The following MYO1F variants were observed in gnomAD, a reference collection of about 807,000 sequenced individuals.
MYO1F encodes the protein myosin IF.
MYO1F carries 60 observed loss-of-function variants against 146.6 expected under a neutral mutation model. The observed-to-expected ratio is 0.41, with a 90% confidence interval of 0.33 to 0.51. The LOEUF (loss-of-function observed/expected upper bound fraction) is 0.51. MYO1F is among the 20% of genes least tolerant of loss of function. The probability of loss-of-function intolerance (pLI) is 0.25; values close to 1 mark genes in which losing one functional copy is unlikely to be tolerated. For missense variants in MYO1F, 1,274 were observed against 1,534.3 expected (o/e 0.83, Z 2.83); for synonymous variants, 602 against 602.1 (o/e 1.00, Z 0.00).
chr19:8,544,563 G>A lies in MYO1F; in HGVS notation c.1357-99C>T. 6.3e-6 allele frequency: 8 copies of A among 1,262,550 alleles called. 1 individual carries two copies. The highest frequency in any genetic ancestry group is 8.8e-6 in the Non-Finnish European group (8 of 906,866). 78.2% of individuals were successfully genotyped at this position (1,262,550 alleles called of 1,614,324 possible). A position where few individuals can be genotyped will look rare whatever the true frequency, so the allele number is the denominator to read the frequency against. On this transcript the variant is annotated intron_variant, in intron 13 of 27. Transcript: ENST00000644032. Reference sequence around the variant, plus strand: ...ATTAGGGGAGGGAGGGGGTGGAGGAGTGGAGGGAGCTAGAGCTTTGGGGGT... The same window carrying A: ...ATTAGGGGAGGGAGGGGGTGGAGGAATGGAGGGAGCTAGAGCTTTGGGGGT...
intron 14 of MYO1F, among the ~76,000 whole-genome samples, chr19:8,543,744 C>G (rs59048744): frequency 0.011 from 103 of 9,700 alleles, 1 homozygote; most frequent in East Asian, 0.037. Flanking sequence ...GCTGGTGGTG[C>G]TGGTGGTGGT....
chr19:8,535,217 G>T (rs905098319), intron 19 of MYO1F, among the ~76,000 whole-genome samples: 1 of 152,070 alleles, frequency 6.6e-6, no homozygotes, highest in African/African-American at 2.4e-5. Flanking sequence ...TGGCCAGCAA[G>T]ATTATTTTCA....
In MYO1F at chr19:8,522,668, C is replaced by G; in HGVS notation, c.3016G>C (p.Glu1006Gln). 1.2e-6 allele frequency: 2 copies of G among 1,613,788 alleles called. No homozygotes were observed. Among genetic ancestry groups the G allele is most frequent in the Non-Finnish European group, 8.5e-7 (1 of 1,179,954 alleles). ...CCCTGGTCAGGCACGTTGAGGAATT[C>G]TGTGTTGTGCTCTGAGGGCGGACGT... ...RARPPSEHNT[E>Q]FLNVPDQGMA... The change falls in exon 26 of 28, where the codon GAA (glutamate) becomes CAA (glutamine). Residue 1006 changes from glutamate to glutamine, a missense_variant. Transcript: ENST00000644032.
Position 8,530,533 on chromosome 19 carries a change from C to A in MYO1F, c.2084G>T (p.Gly695Val). The A allele has an allele frequency of 6.2e-7, 1 of 1,613,386 alleles. No individual in the cohort carries two copies. The highest frequency in any genetic ancestry group is 8.5e-7 in the Non-Finnish European group (1 of 1,180,022). Residue 695 changes from glycine (G) to valine (V), a missense_variant, in exon 20 of 28, where the codon GGC (glycine) becomes GTC (valine). Transcript: ENST00000644032. This position sits in a 1 kb window ranked among gnomAD's most constrained non-coding sequence, Gnocchi z 5.8. The stretch of plus-strand genomic sequence containing the variant: ...GGCCTTCTGGATGGTTCGGGCAAAG[C>A]CATCGAACTTTCGCTCTCGCACCTC... ...LEEVRERKFD[G>V]FARTIQKAWR...
intron 1 of MYO1F, among the ~76,000 whole-genome samples, chr19:8,571,193 G>C: frequency 6.6e-6 from 1 of 152,156 alleles, no homozygotes; most frequent in East Asian, 1.9e-4. Flanking sequence ...TGTGGTTGCC[G>C]GGAGGAGAGC....
chr19:8,541,630 T>G (rs192241494), intron 15 of MYO1F: 163 of 460,750 alleles, frequency 3.5e-4, no homozygotes, highest in African/African-American at 3.0e-3. Context: ...GGTTTTGCCA[T>G]GTTGCCCAGG....
At position 8,574,530 on chromosome 19, in the gene MYO1F, C is replaced by CCTTT. The variant is rs1183292416; in HGVS notation, c.3+2773_3+2776dup. Among the ~76,000 whole-genome samples, 291 of 119,030 alleles carry CCTTT rather than the reference C, an allele frequency of 2.4e-3. 2 individuals carry two copies. The highest frequency in any genetic ancestry group is 3.1e-3 in the Non-Finnish European group (170 of 55,592). 78.1% of individuals were successfully genotyped at this position (119,030 alleles called of 152,430 possible). On this transcript the variant is annotated intron_variant, in intron 1 of 27. Transcript: ENST00000644032. ...CTTTTCCTTTATTTCTTCTTTTTTC[C>CCTTT]CTTTCTTTCTTTCTTTCTTTCTTTC...
chr19:8,574,565 T>G (rs1197975965), intron 1 of MYO1F, among the ~76,000 whole-genome samples: 1 of 86,172 alleles, frequency 1.2e-5, no homozygotes, highest in African/African-American at 5.8e-5. Flanking sequence ...CTTTCTTTCT[T>G]TCTTTCTTTC....
chr19:8,577,235 T>A lies in MYO1F; in HGVS notation c.3+72A>T. The A allele has an allele frequency of 5.7e-6, 9 of 1,576,562 alleles. No homozygotes were observed. Among genetic ancestry groups the A allele is most frequent in the South Asian group, 1.1e-5 (1 of 87,902 alleles). ...CCCTCACCCCAATTTCTGATGGTCATTTTTAGGACACCTCCACCTGGCTGG... is the reference window on the plus strand; with the variant it reads ...CCCTCACCCCAATTTCTGATGGTCAATTTTAGGACACCTCCACCTGGCTGG... On this transcript the variant is annotated intron_variant, in intron 1 of 27. Coordinates refer to ENST00000644032, the MANE Select transcript of MYO1F (RefSeq NM_012335.4). The surrounding 1 kb of genome is among the most constrained non-coding windows in gnomAD (Gnocchi z 4.3).
At chr19:8,526,333 A>C (rs74629306) in intron 24 of MYO1F, 120 bp downstream of exon 24, 14 of 1,458,796 alleles carry the variant, frequency 9.6e-6, no homozygotes, top group South Asian at 3.7e-5. Context: ...TCTTAAAAAA[A>C]CCACAAAACT....
chr19:8,560,988 C>T (rs181142816), intron 1 of MYO1F, among the ~76,000 whole-genome samples: 61 of 152,058 alleles, frequency 4.0e-4, no homozygotes, highest in African/African-American at 1.1e-3. Flanking sequence ...CTGCCCGCCT[C>T]GGCCTCCCAA....
chr19:8,548,395 C>T (rs1391117249), intron 10 of MYO1F, 78 bp from the exon 11 acceptor site: 40 of 1,365,140 alleles, frequency 2.9e-5, no homozygotes, highest in Admixed American at 3.5e-5. Flanking sequence ...CTTAGACACA[C>T]GCCTAGCCAA....
Position 8,536,939 on chromosome 19 carries a change from G to A in MYO1F, c.1799+10C>T, listed in dbSNP as rs1445677383. On this transcript the variant is annotated intron_variant, in intron 17 of 27. Coordinates refer to ENST00000644032, the MANE Select transcript of MYO1F (RefSeq NM_012335.4). ...GGGGAATGAATCTTGGATTGGTTGG[G>A]GGGGATCACCTGTTCTCCTCCCAGT... 1 of 1,402,174 alleles carries A rather than the reference G, an allele frequency of 7.1e-7. No individual in the cohort carries two copies. The highest frequency in any genetic ancestry group is 9.7e-7 in the Non-Finnish European group (1 of 1,035,634). The allele number at this position is 1,402,174 out of a possible 1,614,324, so 86.9% of individuals were successfully genotyped here.
intron 1 of MYO1F, among the ~76,000 whole-genome samples, chr19:8,574,577 T>TTCTTTCTTTCTTTCTCTCTCTCTC (rs1335184271): frequency 2.5e-5 from 2 of 79,754 alleles, no homozygotes; most frequent in African/African-American, 5.6e-5. Context: ...CTTTCTTTCT[T>TTCTTTCTTTCTTTCTCTCTCTCTC]TCTCTCTCTC....
At chr19:8,560,153 G>C (rs1974024212) in intron 1 of MYO1F, among the ~76,000 whole-genome samples, 1 of 151,532 alleles carries the variant, frequency 6.6e-6, no homozygotes, top group Non-Finnish European at 1.5e-5. Context: ...TTGTTTCCAA[G>C]GGTGTGGGGT....
chr19:8,575,899 C>T (rs1437263388), intron 1 of MYO1F, among the ~76,000 whole-genome samples: 6 of 152,212 alleles, frequency 3.9e-5, no homozygotes, highest in African/African-American at 1.4e-4. Flanking sequence ...AGGACCTGAG[C>T]CTCCCTGGCT....
At chr19:8,555,445 C>A in intron 2 of MYO1F, 14 of 391,878 alleles carry the variant, frequency 3.6e-5, no homozygotes, top group South Asian at 1.2e-4. Context: ...GGAAATGGAA[C>A]ACGCTGGGGC....
Position 8,530,632 on chromosome 19 carries a change from TC to T in MYO1F, c.2044-60del. 1.5e-6 allele frequency: 2 copies of T among 1,368,604 alleles called. No homozygotes were observed. Among genetic ancestry groups the T allele is most frequent in the Non-Finnish European group, 2.1e-6 (2 of 968,550 alleles). 84.8% of individuals were successfully genotyped at this position (1,368,604 alleles called of 1,614,324 possible). ...CTGGTGTCTCCCCAGGGGCTGCAGTTCCGGGTTTTCCCTGCGCTCACCCTAC... is the reference window on the plus strand; with the variant it reads ...CTGGTGTCTCCCCAGGGGCTGCAGTTCGGGTTTTCCCTGCGCTCACCCTAC... On this transcript the variant is annotated intron_variant, in intron 19 of 27. Coordinates refer to ENST00000644032, the MANE Select transcript of MYO1F (RefSeq NM_012335.4). This position sits in a 1 kb window ranked among gnomAD's most constrained non-coding sequence, Gnocchi z 5.8.
chr19:8,521,158 A>C lies in MYO1F; in HGVS notation c.*370T>G. 2.8e-6 allele frequency: 1 copy of C among 353,752 alleles called. No homozygotes were observed. The highest frequency in any genetic ancestry group is 5.5e-6 in the Non-Finnish European group (1 of 182,222). 21.9% of individuals were successfully genotyped at this position (353,752 alleles called of 1,614,324 possible). ...TGCCTTAGTGATGACAGAATGAGCAAAGTCACGCTTGTTAAGGACCCCCCC... is the reference window on the plus strand; with the variant it reads ...TGCCTTAGTGATGACAGAATGAGCACAGTCACGCTTGTTAAGGACCCCCCC... On this transcript the variant is annotated 3_prime_UTR_variant, in exon 28 of 28. Transcript: ENST00000644032.
Sources: gnomAD v4.1 joint callset for allele counts (sites outside exome capture counted in the v4.1 genomes callset) on GRCh38, gnomAD v4.1.1 for gene constraint, Gnocchi (gnomAD v3.1) non-coding constraint, MANE v1.5 for transcripts, NCBI Gene and HGNC (gene_info 2026-07-23, HGNC 2026-07-21) for gene names.